The following NOVA1 variants were observed in gnomAD, a reference collection of about 807,000 sequenced individuals.
NOVA1 encodes NOVA alternative splicing regulator 1, also known as RNA-binding protein Nova-1.
NOVA1 carries 7 observed loss-of-function variants against 38.0 expected under a neutral mutation model. The ratio of observed to expected loss-of-function variants is 0.18; its 90% CI spans 0.10 to 0.35. The LOEUF (loss-of-function observed/expected upper bound fraction) is 0.35, where lower values mean the gene tolerates loss of function less well. NOVA1 is among the 10% of genes least tolerant of loss of function. NOVA1 has a pLI of 1.00. For synonymous variants in NOVA1, 270 were observed against 232.5 expected, an observed-to-expected ratio of 1.16 and a Z score of -1.47; for missense variants, 460 against 616.0, an observed-to-expected ratio of 0.75 and a Z score of 2.68.
chr14:26,557,268 A>C (rs1398856845), intron 2 of NOVA1, among the ~76,000 whole-genome samples: 4 of 152,228 alleles, frequency 2.6e-5, no homozygotes, highest in Non-Finnish European at 5.9e-5. Context: ...ATACCATATT[A>C]CACACCTATT....
chr14:26,528,156 T>C (rs1889433855), intron 2 of NOVA1, among the ~76,000 whole-genome samples: 1 of 152,142 alleles, frequency 6.6e-6, no homozygotes, highest in South Asian at 2.1e-4. Context: ...CACCACTTCC[T>C]CACATACTGT....
chr14:26,572,222 T>C (rs1183055121), intron 2 of NOVA1, among the ~76,000 whole-genome samples: 1 of 152,154 alleles, frequency 6.6e-6, no homozygotes, highest in Non-Finnish European at 1.5e-5. Context: ...AAGGGGAAGA[T>C]TAATTCAAGG....
At chr14:26,454,945 T>A (rs1883035387) in intron 4 of NOVA1, among the ~76,000 whole-genome samples, 1 of 152,112 alleles carries the variant, frequency 6.6e-6, no homozygotes, top group Non-Finnish European at 1.5e-5. Flanking sequence ...ATTGAATTGT[T>A]GAACAAAGCA....
At chr14:26,564,372 G>A (rs1892006913) in intron 2 of NOVA1, among the ~76,000 whole-genome samples, 1 of 152,022 alleles carries the variant, frequency 6.6e-6, no homozygotes, top group African/African-American at 2.4e-5. Flanking sequence ...CCCATGAGGT[G>A]GGTACAGTTA....
In NOVA1 at chr14:26,589,433, T is replaced by G. The variant is rs1035457409; in HGVS notation, c.280+5977A>C. Among the ~76,000 whole-genome samples the G allele has an allele frequency of 2.6e-5, 4 of 151,890 alleles. No individual in the cohort carries two copies. In the East Asian group the frequency reaches 7.7e-4, roughly 29 times the overall value. On this transcript the variant is annotated intron_variant, in intron 2 of 4. Transcript: ENST00000539517. ...TGACTAAATTTTAATTTACTTGTAA[T>G]TAAATGTGGGAAACATTTCAGTAAA...
chr14:26,457,360 C>T (rs1349221728), intron 4 of NOVA1, among the ~76,000 whole-genome samples: 1 of 151,962 alleles, frequency 6.6e-6, no homozygotes, highest in Non-Finnish European at 1.5e-5. Context: ...ATAAAAATAA[C>T]AAAATATTTA....
chr14:26,536,205 G>A (rs920638275), intron 2 of NOVA1, among the ~76,000 whole-genome samples: 1 of 151,698 alleles, frequency 6.6e-6, no homozygotes, highest in African/African-American at 2.4e-5. Context: ...GTTACCAGAG[G>A]CTCGGAAGGG....
chr14:26,542,491 C>T (rs1052093482), intron 2 of NOVA1, among the ~76,000 whole-genome samples: 1 of 151,914 alleles, frequency 6.6e-6, no homozygotes, highest in East Asian at 1.9e-4. Context: ...TTCGGTGCTG[C>T]ATTTCAAATT....
At chr14:26,467,457 G>C (rs934753117) in intron 4 of NOVA1, among the ~76,000 whole-genome samples, 1 of 152,154 alleles carries the variant, frequency 6.6e-6, no homozygotes, top group Admixed American at 6.6e-5. Flanking sequence ...GAAATAGAGA[G>C]TAGAGATAAT....
chr14:26,495,584 G>T (rs952398111), intron 2 of NOVA1, among the ~76,000 whole-genome samples: 1 of 137,756 alleles, frequency 7.3e-6, no homozygotes, highest in African/African-American at 3.0e-5. Flanking sequence ...ACATGCTGGT[G>T]CGCTGCACCC....
intron 2 of NOVA1, among the ~76,000 whole-genome samples, chr14:26,551,585 C>T (rs550682268): frequency 6.6e-6 from 1 of 152,032 alleles, no homozygotes; most frequent in Non-Finnish European, 1.5e-5. Context: ...AAAAGCCACA[C>T]TGGTCCCTTC....
At chr14:26,517,689 C>G (rs936382311) in intron 2 of NOVA1, among the ~76,000 whole-genome samples, 3 of 152,064 alleles carry the variant, frequency 2.0e-5, no homozygotes, top group Non-Finnish European at 4.4e-5. Flanking sequence ...CCATTTGCCA[C>G]TTTCCAGATA....
chr14:26,470,234 A>G, intron 4 of NOVA1: 1 of 1,122,896 alleles, frequency 8.9e-7, no homozygotes, highest in Non-Finnish European at 1.2e-6. Context: ...TTGGTTATAT[A>G]CTTCCAGATA....
chr14:26,456,785 T>C (rs1474744987), intron 4 of NOVA1, among the ~76,000 whole-genome samples: 2 of 151,970 alleles, frequency 1.3e-5, no homozygotes, highest in East Asian at 1.9e-4. Context: ...CACTGTACAA[T>C]GAACACTAGT....
chr14:26,448,021 T>C lies in NOVA1; in HGVS notation c.1462A>G (p.Ile488Val). ...PAATQAAQYL[I>V]TQRITYEQGV... The stretch of plus-strand genomic sequence containing the variant: ...TGCTCATATGTGATCCTTTGTGTAA[T>C]TAAATATTGAGCAGCCTGTGTTGCA... The change falls in exon 5 of 5, where the codon ATT (isoleucine) becomes GTT (valine). Residue 488 changes from isoleucine to valine, a missense_variant. Transcript: ENST00000539517. The surrounding 1 kb of genome is among the most constrained non-coding windows in gnomAD (Gnocchi z 5.3). 5.0e-6 allele frequency: 8 copies of C among 1,614,190 alleles called. No individual in the cohort carries two copies. Among genetic ancestry groups the C allele is most frequent in the Non-Finnish European group, 5.9e-6 (7 of 1,180,040 alleles).
At chr14:26,586,992 T>C (rs1482272535) in intron 2 of NOVA1, among the ~76,000 whole-genome samples, 1 of 147,528 alleles carries the variant, frequency 6.8e-6, no homozygotes, top group Non-Finnish European at 1.5e-5. Context: ...CAGAGTCACA[T>C]CCAGAAGGGA....
intron 4 of NOVA1, among the ~76,000 whole-genome samples, chr14:26,460,718 CTTTT>C (rs1021607949): frequency 2.1e-4 from 32 of 151,958 alleles, no homozygotes; most frequent in African/African-American, 6.8e-4. Flanking sequence ...AGGAAAAACA[CTTTT>C]TTTAATTCCA....
intron 2 of NOVA1, among the ~76,000 whole-genome samples, chr14:26,572,292 G>C (rs1892529675): frequency 6.6e-6 from 1 of 152,116 alleles, no homozygotes; most frequent in Non-Finnish European, 1.5e-5. Context: ...ACAGAGAATA[G>C]AAAAGGGAAC....
intron 2 of NOVA1, among the ~76,000 whole-genome samples, chr14:26,510,985 C>A (rs918690873): frequency 6.6e-6 from 1 of 152,102 alleles, no homozygotes; most frequent in Non-Finnish European, 1.5e-5. Context: ...TTAAGAAAAT[C>A]TTTCCAAAGT....
Sources: gnomAD v4.1 joint callset for allele counts (sites outside exome capture counted in the v4.1 genomes callset) on GRCh38, gnomAD v4.1.1 for gene constraint, Gnocchi (gnomAD v3.1) non-coding constraint, MANE v1.5 for transcripts, NCBI Gene and HGNC (gene_info 2026-07-23, HGNC 2026-07-21) for gene names.